Variants in KIFAP3 observed in about 807,000 individuals in gnomAD.
KIFAP3 encodes kinesin-associated protein 3.
Under a neutral mutation model 106.5 loss-of-function variants are expected in KIFAP3, and 68 were observed. The observed-to-expected ratio is 0.64, with a 90% CI of 0.53 to 0.78. The LOEUF (loss-of-function observed/expected upper bound fraction) is 0.78. KIFAP3 is among the 30% of genes least tolerant of loss of function. The probability of loss-of-function intolerance (pLI) is 0.00; values close to 1 mark genes in which losing one functional copy is unlikely to be tolerated. For synonymous variants in KIFAP3, 320 were observed against 311.5 expected, an observed-to-expected ratio of 1.03 and a Z score of -0.29; for missense variants, 780 against 941.8, an observed-to-expected ratio of 0.83 and a Z score of 2.25.
chr1:169,999,348 GGTAGACATTTCAAAAAGGC>G (rs1558233256), intron 10 of KIFAP3, among the ~76,000 whole-genome samples: 6 of 152,200 alleles, frequency 3.9e-5, no homozygotes, highest in African/African-American at 1.4e-4. Flanking sequence ...TCCTACAAAT[GGTAGACATTTCAAAAAGGC>G]TCCTTTAAGA....
At chr1:170,016,995 A>C (rs1484712670) in intron 9 of KIFAP3, among the ~76,000 whole-genome samples, 1 of 152,222 alleles carries the variant, frequency 6.6e-6, no homozygotes, top group African/African-American at 2.4e-5. Flanking sequence ...ACAGTGGCTC[A>C]CGCCTGTAAT....
intron 2 of KIFAP3, among the ~76,000 whole-genome samples, chr1:170,053,889 C>G (rs12141680): frequency 0.063 from 9,597 of 152,178 alleles, 386 homozygotes; most frequent in Non-Finnish European, 0.095. Context: ...CCATAAAAAC[C>G]CTAGAAGAAA....
chr1:170,051,585 T>C (rs940254298), intron 2 of KIFAP3, among the ~76,000 whole-genome samples: 3 of 152,128 alleles, frequency 2.0e-5, no homozygotes, highest in Non-Finnish European at 4.4e-5. Flanking sequence ...ATCGACCACA[T>C]AATTGGGAGT....
At chr1:170,006,719 G>A (rs1667985018) in intron 10 of KIFAP3, among the ~76,000 whole-genome samples, 1 of 152,148 alleles carries the variant, frequency 6.6e-6, no homozygotes, top group Admixed American at 6.6e-5. Context: ...GTAAATTGAG[G>A]TGAGGGTAGG....
intron 10 of KIFAP3, among the ~76,000 whole-genome samples, chr1:170,007,689 C>T (rs1340737988): frequency 6.6e-6 from 1 of 152,046 alleles, no homozygotes. Context: ...AATGGCCATA[C>T]TACCCAAAGT....
At chr1:170,079,330 T>TG (rs904517361), upstream of KIFAP3, among the ~76,000 whole-genome samples, 1 of 152,202 alleles carries the variant, frequency 6.6e-6, no homozygotes, top group African/African-American at 2.4e-5. Context: ...AAGCAGATAC[T>TG]GGCCCCCTAC....
chr1:169,993,875 A>T (rs1439035256), intron 10 of KIFAP3, among the ~76,000 whole-genome samples: 1 of 90,078 alleles, frequency 1.1e-5, no homozygotes, highest in Non-Finnish European at 2.5e-5. Context: ...ACAGAGCAAG[A>T]CTGTCTCAAA....
chr1:169,982,838 G>T lies in KIFAP3; in HGVS notation c.1536C>A (p.Ile512=). ...CAAACTCCTCTTCTTCATCATTAGA[G>T]ATCTGGGCTGCAAGGTCCCCAACAT... ...IDYVGDLAAQ[I]SNDEEEEFVI... is the part of the protein sequence containing the mutation. Residue 512 remains isoleucine (I), a synonymous_variant, in exon 14 of 20, where the codon ATC becomes ATA. Coordinates refer to ENST00000361580, the MANE Select transcript of KIFAP3 (RefSeq NM_014970.4). The T allele has an allele frequency of 1.9e-6, 3 of 1,600,412 alleles. No homozygotes were observed. Among genetic ancestry groups the T allele is most frequent in the Non-Finnish European group, 2.6e-6 (3 of 1,171,458 alleles).
chr1:170,075,698 A>G (rs1230328343), upstream of KIFAP3, among the ~76,000 whole-genome samples: 1 of 152,198 alleles, frequency 6.6e-6, no homozygotes, highest in African/African-American at 2.4e-5. Context: ...TGTAGATGTT[A>G]TAGTCATTCT....
In KIFAP3 at chr1:169,954,074, T is replaced by C. The variant is rs761749259; in HGVS notation, c.2210A>G (p.Asp737Gly). Residue 737 changes from aspartate (D) to glycine (G), a missense_variant, in exon 19 of 20, where the codon GAT becomes GGT. By Grantham distance (94) the Asp-to-Gly change is moderately conservative (BLOSUM62 -1). Transcript: ENST00000361580. ...TTGAAGGTGGTAATCATTGAAGAAA[T>C]CGGGACTTATGGCTCCTTCAGAGGC... ...LIASEGAISPDFFNDYHLQNG... is the reference protein window; with the variant it reads ...LIASEGAISPGFFNDYHLQNG... 1 of 1,613,222 alleles carries C rather than the reference T, an allele frequency of 6.2e-7. No homozygotes were observed. Among genetic ancestry groups the C allele is most frequent in the Non-Finnish European group, 8.5e-7 (1 of 1,179,482 alleles).
At chr1:170,029,362 A>C (rs932501938) in intron 8 of KIFAP3, among the ~76,000 whole-genome samples, 1 of 152,068 alleles carries the variant, frequency 6.6e-6, no homozygotes, top group South Asian at 2.1e-4. Flanking sequence ...AAAGCCTTGA[A>C]CATCAATTAT....
intron 8 of KIFAP3, among the ~76,000 whole-genome samples, chr1:170,024,947 GCAGA>G (rs1379970287): frequency 6.6e-6 from 1 of 152,022 alleles, no homozygotes; most frequent in African/African-American, 2.4e-5. Context: ...AAAAAATAAA[GCAGA>G]CAGAGGAAAA....
intron 8 of KIFAP3, among the ~76,000 whole-genome samples, chr1:170,029,718 A>G (rs1669297516): frequency 6.6e-6 from 1 of 152,046 alleles, no homozygotes; most frequent in African/African-American, 2.4e-5. Context: ...AAAGCACCCA[A>G]TATCAACATT....
At chr1:169,952,846 T>A (rs565626) in intron 19 of KIFAP3, among the ~76,000 whole-genome samples, 139,089 of 152,214 alleles carry the variant, frequency 0.91, 63,578 homozygotes, top group East Asian at 0.99. Flanking sequence ...ATGGCTGAAA[T>A]TATAATTAGT....
In KIFAP3 at chr1:169,993,623, A is replaced by ACGCCTGTAATCCCAGCACTTT. The variant is rs1558227915; in HGVS notation, c.1184-1369_1184-1368insAAAGTGCTGGGATTACAGGCG. ...AGTTTCCCAGGGTCTAGCAAGCTTC[A>ACGCCTGTAATCCCAGCACTTT]GGCAGGTGATTTGCTTGTACCCAGA... On this transcript the variant is annotated intron_variant, in intron 10 of 19. Coordinates refer to ENST00000361580, the MANE Select transcript of KIFAP3 (RefSeq NM_014970.4). Among the ~76,000 whole-genome samples, 158 of 84,220 alleles carry ACGCCTGTAATCCCAGCACTTT rather than the reference A, an allele frequency of 1.9e-3. 79 individuals are homozygous for ACGCCTGTAATCCCAGCACTTT. The highest frequency in any genetic ancestry group is 9.7e-3 in the Middle Eastern group (2 of 206). The allele number at this position is 84,220 out of a possible 152,430, so 55.3% of individuals were successfully genotyped here.
At chr1:170,010,674 A>C (rs562782357) in intron 10 of KIFAP3, among the ~76,000 whole-genome samples, 1 of 152,174 alleles carries the variant, frequency 6.6e-6, no homozygotes, top group African/African-American at 2.4e-5. Flanking sequence ...CAGGAAACTG[A>C]GAAGCAGATT....
At chr1:170,054,875 T>C (rs1170959376) in intron 2 of KIFAP3, among the ~76,000 whole-genome samples, 1 of 152,112 alleles carries the variant, frequency 6.6e-6, no homozygotes, top group Non-Finnish European at 1.5e-5. Flanking sequence ...GCTTAAAACC[T>C]AAATGAGGGG....
In KIFAP3 at chr1:170,030,242, T is replaced by A. The variant is rs145697971; in HGVS notation, c.841+1644A>T. Among the ~76,000 whole-genome samples the A allele has an allele frequency of 3.2e-3, 490 of 151,812 alleles. 3 individuals carry two copies. Among genetic ancestry groups the A allele is most frequent in the African/African-American group, 0.011 (462 of 41,454 alleles). On this transcript the variant is annotated intron_variant, in intron 8 of 19. Coordinates refer to ENST00000361580, the MANE Select transcript of KIFAP3 (RefSeq NM_014970.4). ...CATATAAAGAATGGATACAAAACTA[T>A]CCAATTTAATAATAAGGCAAAAGTT...
In KIFAP3 at chr1:170,034,489, G is replaced by C. The variant is rs760961099; in HGVS notation, c.625C>G (p.Gln209Glu). 2.9e-5 allele frequency: 42 copies of C among 1,439,874 alleles called. No individual in the cohort carries two copies. Among genetic ancestry groups the C allele is most frequent in the Non-Finnish European group, 3.9e-5 (41 of 1,049,360 alleles). 89.2% of individuals were successfully genotyped at this position (1,439,874 alleles called of 1,614,324 possible). A position where few individuals can be genotyped will look rare whatever the true frequency, so the allele number is the denominator to read the frequency against. The change falls in exon 7 of 20, where the codon CAA becomes GAA. Residue 209 changes from glutamine to glutamate, a missense_variant. Gln to Glu is a conservative substitution (Grantham distance 29). Coordinates refer to ENST00000361580, the MANE Select transcript of KIFAP3 (RefSeq NM_014970.4). ...TAGTGAGTAATAAGTCCATGAAATT[G>C]AGAAAAGCTTTAAAGAAGACATTTT... The part of the protein sequence containing the change: ...YIFFCFSSFS[Q>E]FHGLITHYKI...
Sources: allele counts gnomAD v4.1 joint callset (sites outside exome capture counted in the v4.1 genomes callset), GRCh38; gene constraint gnomAD v4.1.1; transcripts MANE v1.5; gene names NCBI Gene and HGNC (gene_info 2026-07-23, HGNC 2026-07-21).